The following RPH3AL variants were observed in gnomAD, a reference collection of about 807,000 sequenced individuals.
RPH3AL encodes the protein rab effector Noc2.
Under a neutral mutation model 43.1 loss-of-function variants are expected in RPH3AL, and 38 were observed. The ratio of observed to expected loss-of-function variants is 0.88; its 90% confidence interval spans 0.68 to 1.15. The LOEUF is 1.15. RPH3AL is among the 50% of genes most tolerant of loss of function. The pLI, the probability that RPH3AL is intolerant of heterozygous loss-of-function variation, is 0.00. For synonymous variants in RPH3AL, 189 were observed against 176.3 expected, an observed-to-expected ratio of 1.07 and a Z score of -0.57; for missense variants, 462 against 423.2, an observed-to-expected ratio of 1.09 and a Z score of -0.81.
chr17:218,858 G>A (rs1411426911), intron 8 of RPH3AL, among the ~76,000 whole-genome samples: 1 of 152,172 alleles, frequency 6.6e-6, no homozygotes, highest in Admixed American at 6.5e-5. Context: ...ACCCCATGGT[G>A]GTTTCATGGC....
In RPH3AL at chr17:264,534, C is replaced by T. The variant is rs782245637; in HGVS notation, c.438+17234G>A. Among the ~76,000 whole-genome samples the T allele has an allele frequency of 7.2e-5, 11 of 152,008 alleles. No homozygotes were observed. Among genetic ancestry groups the T allele is most frequent in the Admixed American group, 1.3e-4 (2 of 15,270 alleles). ...CAGGATTACCCTTCGGAGCCGTGCG[C>T]GCTGGATGGGGACTCAGAATCCGCA... On this transcript the variant is annotated intron_variant, in intron 6 of 9. Transcript: ENST00000331302. This position sits in a 1 kb window ranked among gnomAD's most constrained non-coding sequence, Gnocchi z 4.8.
intron 7 of RPH3AL, among the ~76,000 whole-genome samples, chr17:226,641 A>C (rs2041113686): frequency 6.6e-6 from 1 of 152,192 alleles, no homozygotes; most frequent in East Asian, 1.9e-4. Context: ...CGGTGTCCCC[A>C]AATGTTCCTG....
chr17:312,435 C>T (rs182716416), intron 5 of RPH3AL, among the ~76,000 whole-genome samples: 206 of 152,348 alleles, frequency 1.4e-3, no homozygotes, highest in African/African-American at 4.6e-3. Flanking sequence ...GCACCTTGAT[C>T]TCAGAATTTC....
chr17:285,675 C>T (rs917346940), intron 5 of RPH3AL, among the ~76,000 whole-genome samples: 3 of 152,186 alleles, frequency 2.0e-5, no homozygotes, highest in Non-Finnish European at 4.4e-5. Flanking sequence ...CGGTGGCTAC[C>T]GCAAGGGACA....
intron 7 of RPH3AL, among the ~76,000 whole-genome samples, chr17:243,855 C>CTTCCTCTACTGATTACAT (rs2041664123): frequency 6.8e-6 from 1 of 147,264 alleles, no homozygotes; most frequent in African/African-American, 2.5e-5. Flanking sequence ...CTCTGATTAC[C>CTTCCTCTACTGATTACAT]TTCCTCTACT....
intron 5 of RPH3AL, among the ~76,000 whole-genome samples, chr17:316,533 C>G (rs1555520278): frequency 2.0e-5 from 3 of 148,554 alleles, no homozygotes; most frequent in Admixed American, 6.7e-5. Flanking sequence ...CCTGTAGTCC[C>G]TGTGACTCCA....
At chr17:317,027 C>A (rs1206439031) in intron 5 of RPH3AL, among the ~76,000 whole-genome samples, 1 of 150,498 alleles carries the variant, frequency 6.6e-6, no homozygotes, top group African/African-American at 2.4e-5. Context: ...CTCTGTGCTC[C>A]ACCTCCACTG....
At chr17:314,496 A>T (rs71372196) in intron 5 of RPH3AL, among the ~76,000 whole-genome samples, 2 of 37,370 alleles carry the variant, frequency 5.4e-5, no homozygotes, top group African/African-American at 7.6e-5. Context: ...TGTAGTCCCT[A>T]TACTCCACGT....
chr17:269,789 G>A (rs925393333), intron 6 of RPH3AL, among the ~76,000 whole-genome samples: 21 of 152,324 alleles, frequency 1.4e-4, no homozygotes, highest in Admixed American at 6.5e-5. Context: ...CTGGAGCACT[G>A]TGCTGAAAGA....
At chr17:234,644 C>T (rs890032931) in intron 7 of RPH3AL, 21 of 154,130 alleles carry the variant, frequency 1.4e-4, no homozygotes, top group East Asian at 5.8e-4. Flanking sequence ...TACTCCATTC[C>T]GCCTCCTTCT....
At chr17:312,327 G>C (rs1348358092) in intron 5 of RPH3AL, among the ~76,000 whole-genome samples, 2 of 152,020 alleles carry the variant, frequency 1.3e-5, no homozygotes, top group Non-Finnish European at 2.9e-5. Flanking sequence ...AGGAGGAGGA[G>C]AGACTAGAGC....
At chr17:237,418 C>T (rs1332161862) in intron 7 of RPH3AL, among the ~76,000 whole-genome samples, 4 of 152,168 alleles carry the variant, frequency 2.6e-5, no homozygotes, top group Admixed American at 1.3e-4. Flanking sequence ...ACCCAGGAGG[C>T]CTGCACTCCC....
intron 7 of RPH3AL, among the ~76,000 whole-genome samples, chr17:239,785 C>G (rs1025709003): frequency 1.3e-5 from 2 of 152,154 alleles, no homozygotes; most frequent in Non-Finnish European, 2.9e-5. Flanking sequence ...TGCCACCACA[C>G]CTGGCTAAGT....
At chr17:269,925 G>T (rs886648009) in intron 6 of RPH3AL, among the ~76,000 whole-genome samples, 1 of 152,156 alleles carries the variant, frequency 6.6e-6, no homozygotes, top group Admixed American at 6.5e-5. Flanking sequence ...ATCTGCAGGG[G>T]TGCAGTGCAG....
intron 7 of RPH3AL, among the ~76,000 whole-genome samples, chr17:244,879 G>A (rs1041398609): frequency 2.0e-5 from 3 of 152,140 alleles, no homozygotes; most frequent in African/African-American, 7.2e-5. Flanking sequence ...ATATGAGTGC[G>A]AGTGTGTGTG....
chr17:298,720 C>CT lies in RPH3AL; in HGVS notation c.352-16867dup, dbSNP rs35346317. Among the ~76,000 whole-genome samples the CT allele has an allele frequency of 2.1e-3, 321 of 150,626 alleles. 2 individuals carry two copies. Among genetic ancestry groups the CT allele is most frequent in the African/African-American group, 7.5e-3 (304 of 40,762 alleles). On this transcript the variant is annotated intron_variant, in intron 5 of 9. Coordinates refer to ENST00000331302, the MANE Select transcript of RPH3AL (RefSeq NM_006987.4). ...ATGTTATCTCAAAAAAAAAAAAAAACTCCCAGCCAGCAAATACATGTTATT... is the reference window on the plus strand; with the variant it reads ...ATGTTATCTCAAAAAAAAAAAAAAACTTCCCAGCCAGCAAATACATGTTATT...
At chr17:242,347 T>C (rs2041567887) in intron 7 of RPH3AL, among the ~76,000 whole-genome samples, 2 of 72,082 alleles carry the variant, frequency 2.8e-5, no homozygotes, top group African/African-American at 4.9e-5. Context: ...CCTTCCTCTA[T>C]TGACTACCTT....
At chr17:257,710 T>C (rs1457158083) in intron 6 of RPH3AL, among the ~76,000 whole-genome samples, 81 of 54,028 alleles carry the variant, frequency 1.5e-3, no homozygotes, top group Non-Finnish European at 2.0e-3. Flanking sequence ...CTACCCTACG[T>C]ACTTCCTATG....
In RPH3AL at chr17:213,746, T is replaced by C; in HGVS notation, c.*106A>G. The C allele has an allele frequency of 8.9e-6, 8 of 902,968 alleles. No individual in the cohort carries two copies. Among genetic ancestry groups the C allele is most frequent in the South Asian group, 1.4e-5 (1 of 71,404 alleles). The allele number at this position is 902,968 out of a possible 1,614,324, so 55.9% of individuals were successfully genotyped here. A position where few individuals can be genotyped will look rare whatever the true frequency, so the allele number is the denominator to read the frequency against. ...CTCCCAACACTGGTTTGTTGAGTCA[T>C]GGCCAACAGGGTGTCTGGTGAGGGC... On this transcript the variant is annotated 3_prime_UTR_variant, in exon 10 of 10. Coordinates refer to ENST00000331302, the MANE Select transcript of RPH3AL (RefSeq NM_006987.4).
Sources: gnomAD v4.1 joint callset for allele counts (sites outside exome capture counted in the v4.1 genomes callset) on GRCh38, gnomAD v4.1.1 for gene constraint, Gnocchi (gnomAD v3.1) non-coding constraint, MANE v1.5 for transcripts, NCBI Gene and HGNC (gene_info 2026-07-23, HGNC 2026-07-21) for gene names.